Variants in BPI observed in about 807,000 individuals in gnomAD.
BPI encodes bactericidal permeability increasing protein.
A neutral mutation model predicts 57.6 loss-of-function variants in BPI; 48 were observed. The observed-to-expected ratio is 0.83, with a 90% CI of 0.66 to 1.06. The LOEUF (loss-of-function observed/expected upper bound fraction) is 1.06. Among genes scored for constraint, BPI ranks in the 50% least tolerant of loss-of-function variants. The probability of loss-of-function intolerance (pLI) is 0.00; values close to 1 mark genes in which losing one functional copy is unlikely to be tolerated. For missense variants in BPI, 651 were observed against 609.7 expected, an observed-to-expected ratio of 1.07 and a Z score of -0.71; for synonymous variants, 237 against 238.2, an observed-to-expected ratio of 0.99 and a Z score of 0.05.
chr20:38,334,920 G>A (rs1002398981), intron 13 of BPI, among the ~76,000 whole-genome samples: 25 of 152,178 alleles, frequency 1.6e-4, no homozygotes, highest in African/African-American at 5.5e-4. Flanking sequence ...ACCCCTCCCA[G>A]AGCTTAGATC....
chr20:38,305,784 G>A (rs1651592929), intron 1 of BPI, among the ~76,000 whole-genome samples: 1 of 152,144 alleles, frequency 6.6e-6, no homozygotes, highest in Admixed American at 6.5e-5. Flanking sequence ...TCCTAGGATT[G>A]TACAAATTCA....
chr20:38,334,297 G>A (rs2076756285), intron 12 of BPI, 133 bp from the exon 13 acceptor site: 5 of 842,922 alleles, frequency 5.9e-6, no homozygotes, highest in Non-Finnish European at 8.0e-6. Flanking sequence ...CCTCTCAGCA[G>A]TTTTCCCAAC....
At position 38,326,338 on chromosome 20, in the gene BPI, A is replaced by G; in HGVS notation, c.1067A>G (p.Gln356Arg). Residue 356 changes from glutamine (Q) to arginine (R), a missense_variant, in exon 10 of 15, where the codon CAG becomes CGG. Transcript: ENST00000642449. Reference protein sequence around the residue: ...SASTPPHLSVQPTGLTFYPAV... With the variant: ...SASTPPHLSVRPTGLTFYPAV... Reference sequence around the variant, plus strand: ...TCCACCCCGCCACACCTGTCTGTGCAGCCCACCGGCCTTACCTTCTACCCT... The same window carrying G: ...TCCACCCCGCCACACCTGTCTGTGCGGCCCACCGGCCTTACCTTCTACCCT... 1 of 1,614,158 alleles carries G rather than the reference A, an allele frequency of 6.2e-7. No individual in the cohort carries two copies. Among genetic ancestry groups the G allele is most frequent in the Non-Finnish European group, 8.5e-7 (1 of 1,180,002 alleles).
In BPI at chr20:38,310,626, C is replaced by T. The variant is rs752215717; in HGVS notation, c.510C>T (p.His170=). Reference sequence around the variant, plus strand: ...GCAGCAGCCACATCAACAGTGTCCACGTGCACATCTCAAAGAGCAAAGTGG... The same window carrying T: ...GCAGCAGCCACATCAACAGTGTCCATGTGCACATCTCAAAGAGCAAAGTGG... The part of the protein sequence containing the change: ...SSCSSHINSV[H]VHISKSKVGW... The change falls in exon 4 of 15, where the codon CAC becomes CAT. Residue 170 remains histidine (H), a synonymous_variant. Transcript: ENST00000642449. The T allele has an allele frequency of 2.0e-5, 32 of 1,613,600 alleles. No homozygotes were observed. Among genetic ancestry groups the T allele is most frequent in the African/African-American group, 9.3e-5 (7 of 74,920 alleles).
At chr20:38,324,126 G>A in intron 8 of BPI, 80 bp downstream of exon 8, 1 of 1,498,402 alleles carries the variant, frequency 6.7e-7, no homozygotes. Flanking sequence ...TCTGGAAAAA[G>A]CTTTTCTCAC....
chr20:38,326,303 T>C lies in BPI; in HGVS notation c.1032T>C (p.His344=), dbSNP rs767727795. The change falls in exon 10 of 15, where the codon CAT becomes CAC. Residue 344 remains histidine (H), a synonymous_variant. Transcript: ENST00000642449. ...KKFPNMKIQI[H]VSASTPPHLS... is the part of the protein sequence containing the mutation. ...TTCCCAACATGAAGATACAGATCCA[T>C]GTCTCAGCCTCCACCCCGCCACACC... The C allele has an allele frequency of 1.7e-5, 27 of 1,613,816 alleles. No homozygotes were observed. The highest frequency in any genetic ancestry group is 2.1e-5 in the Non-Finnish European group (25 of 1,179,906).
intron 5 of BPI, among the ~76,000 whole-genome samples, chr20:38,313,483 T>A (rs749198064): frequency 1.3e-5 from 2 of 151,576 alleles, no homozygotes; most frequent in Non-Finnish European, 2.9e-5. Context: ...CCAGAAAATG[T>A]GCTCACTCAC....
intron 9 of BPI, 35 bp downstream of exon 9, chr20:38,324,868 G>A (rs371381133): frequency 1.5e-5 from 23 of 1,545,608 alleles, no homozygotes; most frequent in East Asian, 2.2e-5. Context: ...AGTGAGCCCC[G>A]GGGGTTCTGG....
chr20:38,328,909 G>A (rs7275126), intron 11 of BPI, among the ~76,000 whole-genome samples: 1 of 152,096 alleles, frequency 6.6e-6, no homozygotes, highest in Non-Finnish European at 1.5e-5. Flanking sequence ...GAGAGGCTGA[G>A]GTGGGAGGAT....
intron 3 of BPI, among the ~76,000 whole-genome samples, chr20:38,309,992 T>C (rs916383497): frequency 6.6e-6 from 1 of 152,206 alleles, no homozygotes; most frequent in South Asian, 2.1e-4. Flanking sequence ...TTTCCCTTAA[T>C]GATCACACAC....
intron 1 of BPI, among the ~76,000 whole-genome samples, chr20:38,305,255 C>T (rs2076591577): frequency 6.6e-6 from 1 of 152,156 alleles, no homozygotes; most frequent in Non-Finnish European, 1.5e-5. Context: ...AGACAGAAGG[C>T]CACAGAAGAC....
intron 5 of BPI, among the ~76,000 whole-genome samples, chr20:38,317,426 T>C (rs768664568): frequency 1.2e-4 from 18 of 152,246 alleles, no homozygotes; most frequent in Non-Finnish European, 1.9e-4. Flanking sequence ...TAGAATTACC[T>C]GGAGAGTTCC....
intron 5 of BPI, 74 bp from the exon 6 acceptor site, chr20:38,318,339 T>C (rs1379492615): frequency 6.9e-7 from 1 of 1,454,118 alleles, no homozygotes; most frequent in Non-Finnish European, 9.7e-7. Context: ...GCAAGGCATA[T>C]CTGGCCCGTT....
chr20:38,323,852 T>C lies in BPI; in HGVS notation c.757-18T>C. On this transcript the variant is annotated intron_variant, in intron 7 of 14. Coordinates refer to ENST00000642449, the MANE Select transcript of BPI (RefSeq NM_001725.3). ...TCCTGAAGAATATCTGGGCTCACTC[T>C]GTTGCCTCTACCCCCAGGGGGAGTT... The C allele has an allele frequency of 1.2e-6, 2 of 1,612,368 alleles. No individual in the cohort carries two copies. The highest frequency in any genetic ancestry group is 2.2e-5 in the East Asian group (1 of 44,856).
chr20:38,323,790 G>T, intron 7 of BPI, 80 bp from the exon 8 acceptor site: 1 of 1,489,522 alleles, frequency 6.7e-7, no homozygotes, highest in South Asian at 1.3e-5. Context: ...GGTGTCTTCA[G>T]TCCATTTTTT....
chr20:38,309,174 C>A, intron 3 of BPI, 116 bp downstream of exon 3: 1 of 1,418,838 alleles, frequency 7.0e-7, no homozygotes, highest in Non-Finnish European at 9.7e-7. Context: ...CACCTATAGC[C>A]ACAGCGTTCC....
intron 6 of BPI, among the ~76,000 whole-genome samples, chr20:38,318,782 G>T (rs1265745618): frequency 6.6e-6 from 1 of 152,120 alleles, no homozygotes; most frequent in Non-Finnish European, 1.5e-5. Context: ...TCTGATATTG[G>T]TCACTTCTTT....
intron 11 of BPI, among the ~76,000 whole-genome samples, chr20:38,329,119 GAGA>G (rs2076729297): frequency 6.6e-6 from 1 of 152,158 alleles, no homozygotes; most frequent in South Asian, 2.1e-4. Context: ...GTGACACTCA[GAGA>G]AGGAGACAGA....
At chr20:38,314,751 A>G (rs1302894535) in intron 5 of BPI, among the ~76,000 whole-genome samples, 1 of 140,026 alleles carries the variant, frequency 7.1e-6, no homozygotes, top group Non-Finnish European at 1.5e-5. Context: ...GGGGATGATG[A>G]TGGTGGTGAT....
Sources: gnomAD v4.1 joint callset for allele counts (sites outside exome capture counted in the v4.1 genomes callset) on GRCh38, gnomAD v4.1.1 for gene constraint, MANE v1.5 for transcripts, NCBI Gene and HGNC (gene_info 2026-07-23, HGNC 2026-07-21) for gene names.